Variants in ARNT2 observed in about 807,000 individuals in gnomAD.
ARNT2 encodes aryl hydrocarbon receptor nuclear translocator 2.
Under a neutral mutation model 91.7 loss-of-function variants are expected in ARNT2, and 36 were observed. The ratio of observed to expected loss-of-function variants is 0.39; its 90% CI spans 0.30 to 0.52. The LOEUF (loss-of-function observed/expected upper bound fraction) is 0.52, where lower values mean the gene tolerates loss of function less well. Ranked by LOEUF, ARNT2 falls within the 20% of genes least tolerant of loss-of-function variation. ARNT2 has a pLI of 0.72. For synonymous variants in ARNT2, 365 were observed against 347.1 expected, an observed-to-expected ratio of 1.05 and a Z score of -0.57; for missense variants, 775 against 939.3, an observed-to-expected ratio of 0.83 and a Z score of 2.29.
chr15:80,507,257 G>T (rs56320907), intron 5 of ARNT2, among the ~76,000 whole-genome samples: 52,677 of 152,050 alleles, frequency 0.35, 9,672 homozygotes, highest in Non-Finnish European at 0.38. Context: ...AGAACCCCGT[G>T]GGGGGTGGGA....
intron 5 of ARNT2, among the ~76,000 whole-genome samples, chr15:80,499,527 T>C (rs927719418): frequency 1.1e-4 from 17 of 152,234 alleles, no homozygotes; most frequent in Admixed American, 6.5e-5. Context: ...TACTACTTTC[T>C]TGGAGTCAGT....
chr15:80,406,732 T>C (rs1895606894), intron 1 of ARNT2, among the ~76,000 whole-genome samples: 1 of 152,214 alleles, frequency 6.6e-6, no homozygotes, highest in East Asian at 1.9e-4. Flanking sequence ...CCTGGCCAGC[T>C]TGACAGATGC....
At chr15:80,576,552 C>T (rs1413747941) in intron 14 of ARNT2, among the ~76,000 whole-genome samples, 1 of 152,240 alleles carries the variant, frequency 6.6e-6, no homozygotes, top group Non-Finnish European at 1.5e-5. Flanking sequence ...GCTGGGATTA[C>T]AGGTGCAAGC....
chr15:80,533,165 A>G (rs1897765551), intron 8 of ARNT2, among the ~76,000 whole-genome samples: 1 of 152,232 alleles, frequency 6.6e-6, no homozygotes, highest in South Asian at 2.1e-4. Flanking sequence ...AGAGCCCACA[A>G]GAGGTAGACA....
At position 80,496,839 on chromosome 15, in the gene ARNT2, T is replaced by C. The variant is rs112518184; in HGVS notation, c.623-11317T>C. ...TCTTTGGAAAACAGGAAAAGAGAGA[T>C]ACATGGAGCATCCATAGGAGCCTGT... is the stretch of plus-strand genomic sequence containing the variant. On this transcript the variant is annotated intron_variant, in intron 5 of 18. Coordinates refer to ENST00000303329, the MANE Select transcript of ARNT2 (RefSeq NM_014862.4). Among the ~76,000 whole-genome samples, 1,511 of 152,302 alleles carry C rather than the reference T, an allele frequency of 9.9e-3. 26 individuals carry two copies. Among genetic ancestry groups the C allele is most frequent in the African/African-American group, 0.035 (1,447 of 41,566 alleles).
chr15:80,574,333 C>G (rs976806980), intron 13 of ARNT2, 113 bp downstream of exon 13: 11 of 1,033,538 alleles, frequency 1.1e-5, no homozygotes, highest in Admixed American at 1.8e-5. Context: ...CCCCATCCCC[C>G]CACTACAATG....
At chr15:80,486,404 A>T (rs1403226612) in intron 5 of ARNT2, among the ~76,000 whole-genome samples, 1 of 152,202 alleles carries the variant, frequency 6.6e-6, no homozygotes. Context: ...CCAGATATGT[A>T]GGCAGTGAAA....
At chr15:80,421,407 G>GAAAAA (rs3974429) in intron 1 of ARNT2, among the ~76,000 whole-genome samples, 1 of 132,386 alleles carries the variant, frequency 7.6e-6, no homozygotes, top group African/African-American at 2.9e-5. Flanking sequence ...AGAAAGAAAA[G>GAAAAA]AAAGGAAGGA....
intron 12 of ARNT2, among the ~76,000 whole-genome samples, chr15:80,573,225 C>T (rs1898614650): frequency 6.6e-6 from 1 of 152,200 alleles, no homozygotes; most frequent in African/African-American, 2.4e-5. Flanking sequence ...TTTTAATTTA[C>T]ATTTATTTTG....
intron 1 of ARNT2, among the ~76,000 whole-genome samples, chr15:80,447,377 G>A (rs1284582407): frequency 1.3e-5 from 2 of 152,182 alleles, no homozygotes; most frequent in African/African-American, 4.8e-5. Flanking sequence ...CCACCCTGGA[G>A]GTATCCAAAG....
At chr15:80,558,262 T>C (rs1898237345) in intron 11 of ARNT2, among the ~76,000 whole-genome samples, 1 of 152,074 alleles carries the variant, frequency 6.6e-6, no homozygotes, top group African/African-American at 2.4e-5. Context: ...ATTGGCTTGT[T>C]TGGGGGGTTG....
chr15:80,567,521 C>T lies in ARNT2; in HGVS notation c.1316+4282C>T, dbSNP rs77738645. ...TGGGGGCAGAGAATAAATACTTCCC[C>T]GCAGGGCCTCGGAGAAAGCATCCCC... On this transcript the variant is annotated intron_variant, in intron 12 of 18. Coordinates refer to ENST00000303329, the MANE Select transcript of ARNT2 (RefSeq NM_014862.4). 1.5e-3 allele frequency among the ~76,000 whole-genome samples: 227 copies of T among 152,240 alleles called. 4 individuals are homozygous for T. The East Asian group carries it at 0.04, about 27-fold the overall frequency.
intron 12 of ARNT2, among the ~76,000 whole-genome samples, chr15:80,568,209 G>A (rs1020537622): frequency 2.0e-5 from 3 of 152,214 alleles, no homozygotes; most frequent in African/African-American, 4.8e-5. Context: ...ACTTTGAAAC[G>A]TGCCTTGGCA....
chr15:80,440,009 G>A (rs1325347755), intron 1 of ARNT2, among the ~76,000 whole-genome samples: 3 of 152,024 alleles, frequency 2.0e-5, no homozygotes, highest in African/African-American at 7.3e-5. Flanking sequence ...TCTCCTTCAG[G>A]GTCTGTCTTA....
In ARNT2 at chr15:80,475,144, C is replaced by G. The variant is rs758324892; in HGVS notation, c.543C>G (p.Ser181Arg). The G allele has an allele frequency of 1.4e-5, 22 of 1,614,072 alleles. No individual in the cohort carries two copies. The highest frequency in any genetic ancestry group is 1.7e-5 in the Non-Finnish European group (20 of 1,180,054). ...LNQPQSEWFG[S>R]TLYEQVHPDD... ...AGCCCCAGTCAGAGTGGTTTGGGAGCACACTGTATGAACAGGTGCATCCTG... is the reference window on the plus strand; with the variant it reads ...AGCCCCAGTCAGAGTGGTTTGGGAGGACACTGTATGAACAGGTGCATCCTG... The change falls in exon 5 of 19, where the codon AGC becomes AGG. Residue 181 changes from serine to arginine, a missense_variant. This residue lies in a region of ARNT2 where 285 missense variants were observed against 327.2 expected (regional missense o/e 0.87). Coordinates refer to ENST00000303329, the MANE Select transcript of ARNT2 (RefSeq NM_014862.4).
At chr15:80,578,341 T>G (rs1898721832) in intron 15 of ARNT2, among the ~76,000 whole-genome samples, 1 of 151,968 alleles carries the variant, frequency 6.6e-6, no homozygotes, top group African/African-American at 2.4e-5. Context: ...CTGAGGGGTG[T>G]GCTGAGTGAA....
intron 5 of ARNT2, among the ~76,000 whole-genome samples, chr15:80,492,684 G>A (rs1897073411): frequency 6.6e-6 from 1 of 152,056 alleles, no homozygotes. Flanking sequence ...CTTTTGTTTT[G>A]TGTGTGTGTT....
chr15:80,526,568 G>A (rs1289856510), intron 8 of ARNT2, among the ~76,000 whole-genome samples: 1 of 152,222 alleles, frequency 6.6e-6, no homozygotes, highest in African/African-American at 2.4e-5. Context: ...GCAGAGCCAA[G>A]GTCTGACCCT....
chr15:80,420,445 T>A (rs1287093928), intron 1 of ARNT2, among the ~76,000 whole-genome samples: 2 of 152,140 alleles, frequency 1.3e-5, no homozygotes, highest in Non-Finnish European at 2.9e-5. Context: ...GTTCTGAGCA[T>A]GTTTAAGGTA....
Sources: allele counts gnomAD v4.1 joint callset (sites outside exome capture counted in the v4.1 genomes callset), GRCh38; gene constraint gnomAD v4.1.1; regional missense constraint gnomAD v4.1.1; transcripts MANE v1.5; gene names NCBI Gene and HGNC (gene_info 2026-07-23, HGNC 2026-07-21).